Variants in EXOC3L4 observed in about 807,000 individuals in gnomAD.
EXOC3L4 encodes the protein exocyst complex component 3-like protein 4.
A neutral mutation model predicts 69.7 loss-of-function variants in EXOC3L4; 62 were observed. The observed-to-expected ratio is 0.89, with a 90% CI of 0.72 to 1.10. The LOEUF is 1.10. Among genes scored for constraint, EXOC3L4 ranks in the 50% least tolerant of loss-of-function variants. EXOC3L4 has a pLI of 0.00. For synonymous variants in EXOC3L4, 502 were observed against 464.2 expected, an observed-to-expected ratio of 1.08 and a Z score of -1.05; for missense variants, 1,087 against 1,034.8, an observed-to-expected ratio of 1.05 and a Z score of -0.69.
rs530769491 is a variant in EXOC3L4 at position 103,097,708 on chromosome 14, G to A, written c.-16-2496G>A. 4.6e-5 allele frequency among the ~76,000 whole-genome samples: 7 copies of A among 152,304 alleles called. No individual in the cohort carries two copies. The highest frequency in any genetic ancestry group is 7.4e-5 in the Non-Finnish European group (5 of 68,020). Reference sequence around the variant, plus strand: ...ACTGAGCAGATAGATGGTGACGGCCGGTGGTGCAAGGCATCTGAACCCCGA... The same window carrying A: ...ACTGAGCAGATAGATGGTGACGGCCAGTGGTGCAAGGCATCTGAACCCCGA... On this transcript the variant is annotated intron_variant, in intron 1 of 11. Coordinates refer to ENST00000688303, the MANE Select transcript of EXOC3L4 (RefSeq NM_001077594.2). The surrounding 1 kb of genome is among the most constrained non-coding windows in gnomAD (Gnocchi z 4.9).
rs1365545895 is a variant in EXOC3L4, at chr14:103,100,546, G to A, written c.327G>A (p.Gly109=). The change falls in exon 2 of 12, where the codon GGG becomes GGA. Residue 109 remains glycine (G), a synonymous_variant. Coordinates refer to ENST00000688303, the MANE Select transcript of EXOC3L4 (RefSeq NM_001077594.2). ...HSQATPEVPS[G]VMNGVSQQAS... ...AGGCCACTCCTGAGGTGCCCTCGGG[G>A]GTCATGAATGGTGTCAGCCAGCAGG... The A allele has an allele frequency of 1.9e-6, 3 of 1,612,368 alleles. No individual in the cohort carries two copies. The highest frequency in any genetic ancestry group is 2.5e-6 in the Non-Finnish European group (3 of 1,179,536).
At chr14:103,095,878 A>C (rs1472983573) in intron 1 of EXOC3L4, among the ~76,000 whole-genome samples, 2 of 152,242 alleles carry the variant, frequency 1.3e-5, no homozygotes, top group African/African-American at 4.8e-5. Flanking sequence ...GAATAATGAC[A>C]GTTTAATCTG....
chr14:103,102,387 G>C lies in EXOC3L4; in HGVS notation c.664G>C (p.Glu222Gln). Residue 222 changes from glutamate to glutamine, a missense_variant, in exon 3 of 12, where the codon GAG (glutamate) becomes CAG (glutamine). Physicochemically the swap from Glu to Gln is conservative, Grantham distance 29. Coordinates refer to ENST00000688303, the MANE Select transcript of EXOC3L4 (RefSeq NM_001077594.2). ...GCTGGCCCGCGTGGTGAGCGCGGAG[G>C]AGGAAGCCCACCCTTCTCCCCCCGA... ...AELARVVSAE[E>Q]EAHPSPPDDG... The C allele has an allele frequency of 3.9e-6, 6 of 1,556,876 alleles. No individual in the cohort carries two copies. Among genetic ancestry groups the C allele is most frequent in the African/African-American group, 1.4e-5 (1 of 73,084 alleles).
At chr14:103,105,764 CA>C (rs1890511093) in intron 7 of EXOC3L4, among the ~76,000 whole-genome samples, 2 of 152,212 alleles carry the variant, frequency 1.3e-5, no homozygotes, top group South Asian at 4.1e-4. Context: ...AGCTCCAGGC[CA>C]GGCCTCAGCA....
chr14:103,103,797 C>CGCGTGTGT (rs763940116), intron 3 of EXOC3L4, 144 bp from the exon 4 acceptor site: 5,063 of 432,630 alleles, frequency 0.012, 17 homozygotes, highest in African/African-American at 0.018. Flanking sequence ...GGCGCGCGCG[C>CGCGTGTGT]GTGTGTGTGT....
At chr14:103,098,319 G>A (rs890642643) in intron 1 of EXOC3L4, among the ~76,000 whole-genome samples, 7 of 152,266 alleles carry the variant, frequency 4.6e-5, no homozygotes, top group African/African-American at 1.7e-4. Context: ...GCTTCTGGGC[G>A]GCAGTTCTGA....
intron 7 of EXOC3L4, among the ~76,000 whole-genome samples, chr14:103,106,546 G>T (rs527574488): frequency 3.3e-5 from 5 of 152,316 alleles, no homozygotes; most frequent in African/African-American, 9.6e-5. Context: ...GGGATGGAAG[G>T]TCTGTCCCAG....
chr14:103,110,265 T>C lies in EXOC3L4; in HGVS notation c.*42T>C, dbSNP rs929035351. On this transcript the variant is annotated 3_prime_UTR_variant, in exon 12 of 12. Coordinates refer to ENST00000688303, the MANE Select transcript of EXOC3L4 (RefSeq NM_001077594.2). ...GGGGGGCCGGCCGCTGGCAGGGAGCTGTGGTCAGTGGGGGTCAGCCAGGAG... is the reference window on the plus strand; with the variant it reads ...GGGGGGCCGGCCGCTGGCAGGGAGCCGTGGTCAGTGGGGGTCAGCCAGGAG... The C allele has an allele frequency of 1.1e-5, 16 of 1,499,108 alleles. No homozygotes were observed. The South Asian group carries it at 2.1e-4, about 19-fold the overall frequency. The allele number at this position is 1,499,108 out of a possible 1,614,324, so 92.9% of individuals were successfully genotyped here.
At chr14:103,106,172 C>T (rs570357246) in intron 7 of EXOC3L4, among the ~76,000 whole-genome samples, 4 of 152,360 alleles carry the variant, frequency 2.6e-5, no homozygotes, top group Admixed American at 6.5e-5. Flanking sequence ...CCCGTGGCCA[C>T]GTAGCCAGGA....
Position 103,110,336 on chromosome 14 carries a change from T to C in EXOC3L4, c.*113T>C, listed in dbSNP as rs755621477. ...CCTGCCCCCAACTCTGACACTGCAG[T>C]TAGGGAATTTTTGTCGTCAGCAGCC... is the stretch of plus-strand genomic sequence containing the variant. On this transcript the variant is annotated 3_prime_UTR_variant, in exon 12 of 12. Coordinates refer to ENST00000688303, the MANE Select transcript of EXOC3L4 (RefSeq NM_001077594.2). 1.7e-5 allele frequency: 22 copies of C among 1,287,536 alleles called. 1 individual carries two copies. In the South Asian group the frequency reaches 2.7e-4, roughly 16 times the overall value. The allele number at this position is 1,287,536 out of a possible 1,614,324, so 79.8% of individuals were successfully genotyped here.
At position 103,107,791 on chromosome 14, in the gene EXOC3L4, C is replaced by T. The variant is rs781025376; in HGVS notation, c.1854+8C>T. ...GACACCTTCCAGGGCCTGGTAGGGG[C>T]GGCATGACTGCCCTTCGGTGCTCGC... On this transcript the variant is annotated splice_region_variant and intron_variant, in intron 10 of 11. Coordinates refer to ENST00000688303, the MANE Select transcript of EXOC3L4 (RefSeq NM_001077594.2). The T allele has an allele frequency of 4.8e-5, 72 of 1,506,554 alleles. No individual in the cohort carries two copies. The South Asian group carries it at 5.1e-4, about 11-fold the overall frequency. The allele number at this position is 1,506,554 out of a possible 1,614,324, so 93.3% of individuals were successfully genotyped here.
At chr14:103,106,927 C>A in intron 8 of EXOC3L4, 28 bp downstream of exon 8, 1 of 1,505,210 alleles carries the variant, frequency 6.6e-7, no homozygotes, top group Non-Finnish European at 9.0e-7. Flanking sequence ...TCTCTCCCTA[C>A]TTCCCATGCC....
Position 103,110,497 on chromosome 14 carries a change from T to G in EXOC3L4, c.*274T>G. The G allele has an allele frequency of 1.7e-6, 1 of 584,996 alleles. No individual in the cohort carries two copies. The highest frequency in any genetic ancestry group is 3.4e-5 in the East Asian group (1 of 29,336). 36.2% of individuals were successfully genotyped at this position (584,996 alleles called of 1,614,324 possible). The stretch of plus-strand genomic sequence containing the variant: ...GGGGCCTCCCGCCCGACTGTCCAGC[T>G]TCACCCTCCAGTCTGAAAGTGAAGA... On this transcript the variant is annotated 3_prime_UTR_variant, in exon 12 of 12. Coordinates refer to ENST00000688303, the MANE Select transcript of EXOC3L4 (RefSeq NM_001077594.2).
chr14:103,108,261 G>T, intron 10 of EXOC3L4, 135 bp from the exon 11 acceptor site: 1 of 1,349,602 alleles, frequency 7.4e-7, no homozygotes, highest in African/African-American at 1.5e-5. Context: ...AGGCAGTCCC[G>T]GCACCGAGCC....
intron 1 of EXOC3L4, among the ~76,000 whole-genome samples, 174 bp downstream of exon 1, chr14:103,095,014 A>G (rs1889828987): frequency 6.6e-6 from 1 of 152,254 alleles, no homozygotes; most frequent in Non-Finnish European, 1.5e-5. Context: ...ATACACAGGC[A>G]GACACACTCA....
rs10144543 is a variant in EXOC3L4, at chr14:103,108,377, C to G, written c.1855-19C>G. ...GTGGGGAGAGGGCTGTTGGGGCAGG[C>G]GGTGGCTCTGTCTCGCAGGGTTCCG... On this transcript the variant is annotated intron_variant, in intron 10 of 11. Transcript: ENST00000688303. 6.2e-7 allele frequency: 1 copy of G among 1,610,282 alleles called. No individual in the cohort carries two copies.
intron 1 of EXOC3L4, 46 bp from the exon 2 acceptor site, chr14:103,100,158 A>C: frequency 4.7e-6 from 7 of 1,475,698 alleles, no homozygotes; most frequent in Non-Finnish European, 4.5e-6. Flanking sequence ...CAGGGCCACA[A>C]CAGGTTTCTG....
rs1890390044 is a variant in EXOC3L4 at position 103,104,106 on chromosome 14, G to A, written c.1161+54G>A. The A allele has an allele frequency of 5.4e-6, 8 of 1,470,242 alleles. No individual in the cohort carries two copies. In the East Asian group the frequency reaches 1.0e-4, roughly 19 times the overall value. The allele number at this position is 1,470,242 out of a possible 1,614,324, so 91.1% of individuals were successfully genotyped here. ...GCCAGGCTGGAGGGGGCGGGCCCTG[G>A]GGGGATGTGCGGCGCCCAGGCTATC... On this transcript the variant is annotated intron_variant, in intron 4 of 11. Coordinates refer to ENST00000688303, the MANE Select transcript of EXOC3L4 (RefSeq NM_001077594.2).
chr14:103,109,876 C>T (rs1595260220), intron 11 of EXOC3L4, among the ~76,000 whole-genome samples, 155 bp from the exon 12 acceptor site: 1 of 151,696 alleles, frequency 6.6e-6, no homozygotes, highest in East Asian at 2.0e-4. Context: ...TCCCCCAGCA[C>T]AGCTCTTCCT....
Sources: gnomAD v4.1 joint callset for allele counts (sites outside exome capture counted in the v4.1 genomes callset) on GRCh38, gnomAD v4.1.1 for gene constraint, Gnocchi (gnomAD v3.1) non-coding constraint, MANE v1.5 for transcripts, NCBI Gene and HGNC (gene_info 2026-07-23, HGNC 2026-07-21) for gene names.